Variants in PSD3 observed in about 807,000 individuals in gnomAD.
PSD3 encodes the protein pleckstrin and Sec7 domain containing 3.
PSD3 carries 49 observed loss-of-function variants against 105.5 expected under a neutral mutation model. That is an observed-to-expected ratio of 0.46 (90% CI 0.37 to 0.59). The LOEUF is 0.59. Among genes scored for constraint, PSD3 ranks in the 20% least tolerant of loss-of-function variants. The probability of loss-of-function intolerance (pLI) is 0.00; values close to 1 mark genes in which losing one functional copy is unlikely to be tolerated. For synonymous variants in PSD3, 557 were observed against 457.8 expected, an observed-to-expected ratio of 1.22 and a Z score of -2.77; for missense variants, 1,561 against 1,263.8, an observed-to-expected ratio of 1.24 and a Z score of -3.57.
chr8:18,984,930 G>A (rs185173866), intron 1 of PSD3, among the ~76,000 whole-genome samples: 1 of 152,104 alleles, frequency 6.6e-6, no homozygotes, highest in African/African-American at 2.4e-5. Context: ...ATCACGCTTC[G>A]CTTTTTTGTT....
At chr8:18,946,731 C>A (rs1189096939) in intron 1 of PSD3, among the ~76,000 whole-genome samples, 1 of 151,564 alleles carries the variant, frequency 6.6e-6, no homozygotes, top group Non-Finnish European at 1.5e-5. Context: ...GAAACCCCAT[C>A]TCTACTAAAA....
chr8:18,601,062 T>G (rs1804407254), intron 11 of PSD3, among the ~76,000 whole-genome samples: 1 of 152,222 alleles, frequency 6.6e-6, no homozygotes, highest in South Asian at 2.1e-4. Flanking sequence ...ACAGGAGGTA[T>G]CCTTCATCTT....
intron 12 of PSD3, among the ~76,000 whole-genome samples, chr8:18,591,317 T>C (rs9918825): frequency 0.058 from 8,802 of 152,156 alleles, 315 homozygotes; most frequent in African/African-American, 0.08. Context: ...GCCTGGGTAA[T>C]GGCTTAATCT....
rs574863432 is a variant in PSD3, at chr8:18,774,801, G to A, written c.2083-9263C>T. On this transcript the variant is annotated intron_variant, in intron 8 of 15. Coordinates refer to ENST00000327040, the MANE Select transcript of PSD3 (RefSeq NM_015310.4). ...TACAATCTAAGAGAACTGGAATGTC[G>A]GGCACCTGTCACTTCGGCGACATAC... The A allele has an allele frequency of 2.0e-4, 88 of 439,814 alleles. 1 individual carries two copies. Among genetic ancestry groups the A allele is most frequent in the East Asian group, 1.1e-3 (15 of 14,000 alleles). 27.2% of individuals were successfully genotyped at this position (439,814 alleles called of 1,614,324 possible).
intron 9 of PSD3, among the ~76,000 whole-genome samples, chr8:18,741,259 A>G (rs1434278737): frequency 1.3e-5 from 2 of 152,186 alleles, no homozygotes; most frequent in African/African-American, 4.8e-5. Context: ...TGTTCACAAG[A>G]TGCGATGTCA....
intron 9 of PSD3, chr8:18,683,873 G>C (rs371163020): frequency 2.0e-5 from 15 of 765,078 alleles, no homozygotes; most frequent in Non-Finnish European, 3.1e-5. Context: ...AGTATTTCAC[G>C]GAACCTGAGG....
At chr8:18,651,762 G>A (rs1157583861) in intron 10 of PSD3, among the ~76,000 whole-genome samples, 1 of 152,166 alleles carries the variant, frequency 6.6e-6, no homozygotes, top group Non-Finnish European at 1.5e-5. Flanking sequence ...TGGAATAGGA[G>A]CTGGACTGTG....
chr8:18,863,308 C>T (rs1389048220), intron 4 of PSD3, among the ~76,000 whole-genome samples: 1 of 152,162 alleles, frequency 6.6e-6, no homozygotes, highest in Non-Finnish European at 1.5e-5. Flanking sequence ...CACTCAGACA[C>T]AAAGGAACCC....
intron 1 of PSD3, among the ~76,000 whole-genome samples, chr8:19,018,941 C>T (rs529963906): frequency 8.0e-4 from 122 of 152,108 alleles, no homozygotes; most frequent in Non-Finnish European, 1.1e-3. Context: ...GGACTACAGG[C>T]GCACACAGCC....
At chr8:18,568,810 C>T (rs1235454761) in intron 14 of PSD3, among the ~76,000 whole-genome samples, 3 of 151,854 alleles carry the variant, frequency 2.0e-5, no homozygotes, top group Admixed American at 6.6e-5. Context: ...CACCCACTAA[C>T]TCGTCATCTA....
At chr8:19,024,313 G>C (rs1471040964) in intron 1 of PSD3, among the ~76,000 whole-genome samples, 24 of 152,070 alleles carry the variant, frequency 1.6e-4, no homozygotes, top group Admixed American at 1.6e-3. Flanking sequence ...GATTGTAAAA[G>C]TACCCTGGAA....
At chr8:18,905,048 G>A (rs1819750587) in intron 2 of PSD3, among the ~76,000 whole-genome samples, 1 of 152,136 alleles carries the variant, frequency 6.6e-6, no homozygotes, top group Non-Finnish European at 1.5e-5. Context: ...TTATAAGAAA[G>A]GTACTAGCTT....
chr8:18,810,266 G>T (rs543068510), intron 4 of PSD3, among the ~76,000 whole-genome samples: 1 of 152,140 alleles, frequency 6.6e-6, no homozygotes, highest in Non-Finnish European at 1.5e-5. Context: ...GTACTCAACA[G>T]CCATCTGCTA....
At chr8:18,713,271 G>A (rs1296506362) in intron 9 of PSD3, among the ~76,000 whole-genome samples, 1 of 152,108 alleles carries the variant, frequency 6.6e-6, no homozygotes, top group African/African-American at 2.4e-5. Flanking sequence ...CACAGTATTA[G>A]ACATTCTGGC....
At chr8:18,644,803 G>A (rs542140821) in intron 10 of PSD3, among the ~76,000 whole-genome samples, 7 of 152,212 alleles carry the variant, frequency 4.6e-5, no homozygotes, top group East Asian at 1.9e-4. Flanking sequence ...ATCTTCTGTC[G>A]TAGTCTGTTT....
intron 1 of PSD3, among the ~76,000 whole-genome samples, chr8:19,068,350 C>T (rs1021945288): frequency 6.6e-6 from 1 of 151,548 alleles, no homozygotes; most frequent in Non-Finnish European, 1.5e-5. Flanking sequence ...AGTGCCATGG[C>T]ATGATCCTGA....
chr8:18,719,966 T>C (rs755739918), intron 9 of PSD3, among the ~76,000 whole-genome samples: 31 of 152,220 alleles, frequency 2.0e-4, no homozygotes, highest in Non-Finnish European at 3.7e-4. Flanking sequence ...ATATGCATCA[T>C]ATTTCTCATA....
At chr8:18,748,144 G>C (rs961291546) in intron 9 of PSD3, among the ~76,000 whole-genome samples, 1 of 151,658 alleles carries the variant, frequency 6.6e-6, no homozygotes. Context: ...GGCTGCACTG[G>C]TTTTGTTATT....
chr8:19,071,633 G>A (rs571899743), intron 1 of PSD3, among the ~76,000 whole-genome samples: 1 of 152,332 alleles, frequency 6.6e-6, no homozygotes, highest in South Asian at 2.1e-4. Flanking sequence ...CTGAAATAAG[G>A]GAAGGGTGGG....
Sources: gnomAD v4.1 joint callset for allele counts (sites outside exome capture counted in the v4.1 genomes callset) on GRCh38, gnomAD v4.1.1 for gene constraint, MANE v1.5 for transcripts, NCBI Gene and HGNC (gene_info 2026-07-23, HGNC 2026-07-21) for gene names.